The following RIN3 variants were observed in gnomAD, a reference collection of about 807,000 sequenced individuals.
RIN3 encodes RAB5 interacting protein 3.
In RIN3, 54 loss-of-function variants were observed where a neutral mutation model predicts 76.3. That is an observed-to-expected ratio of 0.71 (90% CI 0.57 to 0.89). The LOEUF (loss-of-function observed/expected upper bound fraction) is 0.89. Among genes scored for constraint, RIN3 ranks in the 40% least tolerant of loss-of-function variants. The pLI is 0.00. For missense variants in RIN3, 1,256 were observed against 1,322.1 expected (o/e 0.95, Z 0.78); for synonymous variants, 576 against 564.0 (o/e 1.02, Z -0.30).
At chr14:92,658,990 T>G (rs1244181877) in intron 6 of RIN3, among the ~76,000 whole-genome samples, 171 bp from the exon 7 acceptor site, 1 of 152,140 alleles carries the variant, frequency 6.6e-6, no homozygotes. Context: ...GGCTTTCTCT[T>G]GAATAAACTG....
chr14:92,676,615 C>T lies in RIN3; in HGVS notation c.2467+9C>T. 3.7e-6 allele frequency: 6 copies of T among 1,611,682 alleles called. No individual in the cohort carries two copies. Among genetic ancestry groups the T allele is most frequent in the Non-Finnish European group, 5.1e-6 (6 of 1,178,806 alleles). Reference sequence around the variant, plus strand: ...CCTGCAGCTGGGGGAGGGTGAGTCACCACCCCCTGCCCATCAGGTGCATTG... The same window carrying T: ...CCTGCAGCTGGGGGAGGGTGAGTCATCACCCCCTGCCCATCAGGTGCATTG... On this transcript the variant is annotated intron_variant, in intron 8 of 9. Transcript: ENST00000216487.
chr14:92,652,046 C>G lies in RIN3; in HGVS notation c.997C>G (p.Pro333Ala). 1 of 1,601,970 alleles carries G rather than the reference C, an allele frequency of 6.2e-7. No individual in the cohort carries two copies. The highest frequency in any genetic ancestry group is 8.5e-7 in the Non-Finnish European group (1 of 1,179,464). The change falls in exon 6 of 10, where the codon CCG becomes GCG. Residue 333 changes from proline (P) to alanine (A), a missense_variant. Pro to Ala is a conservative substitution (Grantham distance 27, BLOSUM62 -1). Coordinates refer to ENST00000216487, the MANE Select transcript of RIN3 (RefSeq NM_024832.5). This position sits in a 1 kb window ranked among gnomAD's most constrained non-coding sequence, Gnocchi z 6.4. ...TPHAPGPPDH[P>A]NQPPMMTCER... ...CCATGCCCCAGGTCCCCCAGACCAT[C>G]CGAACCAGCCGCCCATGATGACCTG...
At chr14:92,665,301 T>C (rs1315253491) in intron 7 of RIN3, among the ~76,000 whole-genome samples, 1 of 151,932 alleles carries the variant, frequency 6.6e-6, no homozygotes, top group Admixed American at 6.6e-5. Context: ...ACCACCGTCA[T>C]ATACGTGGTC....
At chr14:92,620,026 C>A (rs989306598) in intron 4 of RIN3, among the ~76,000 whole-genome samples, 1 of 152,226 alleles carries the variant, frequency 6.6e-6, no homozygotes, top group Non-Finnish European at 1.5e-5. Context: ...AAAGATTACT[C>A]AAGTCACATG....
intron 3 of RIN3, among the ~76,000 whole-genome samples, chr14:92,614,169 C>A (rs910729871): frequency 6.6e-6 from 1 of 152,228 alleles, no homozygotes; most frequent in Non-Finnish European, 1.5e-5. Context: ...ATGCTTTGAT[C>A]CCTCTTCCTT....
intron 1 of RIN3, among the ~76,000 whole-genome samples, chr14:92,542,062 G>A (rs922194743): frequency 1.3e-5 from 2 of 152,212 alleles, no homozygotes; most frequent in African/African-American, 4.8e-5. Flanking sequence ...GAAAGCTGAG[G>A]CAGGAGGATT....
chr14:92,631,904 G>A (rs1414107868), intron 4 of RIN3, among the ~76,000 whole-genome samples: 1 of 152,138 alleles, frequency 6.6e-6, no homozygotes, highest in African/African-American at 2.4e-5. Context: ...GTCTCAGACC[G>A]GGGTTTGAGA....
At chr14:92,552,371 C>G (rs1440073217) in intron 1 of RIN3, among the ~76,000 whole-genome samples, 1 of 152,146 alleles carries the variant, frequency 6.6e-6, no homozygotes, top group East Asian at 1.9e-4. Flanking sequence ...CTGAGACCAC[C>G]CAGGTCCCCC....
chr14:92,599,480 G>A (rs761822642), intron 3 of RIN3, among the ~76,000 whole-genome samples: 1 of 152,192 alleles, frequency 6.6e-6, no homozygotes, highest in African/African-American at 2.4e-5. Context: ...TGGTGTCAGG[G>A]ACTGTGGGAC....
intron 4 of RIN3, among the ~76,000 whole-genome samples, chr14:92,625,845 C>T (rs564770633): frequency 6.6e-6 from 1 of 152,086 alleles, no homozygotes; most frequent in Non-Finnish European, 1.5e-5. Context: ...TTTGTTTTTG[C>T]TTTTCTTAAT....
chr14:92,593,073 T>C (rs1885041626), intron 3 of RIN3, among the ~76,000 whole-genome samples: 2 of 152,096 alleles, frequency 1.3e-5, no homozygotes, highest in South Asian at 4.1e-4. Flanking sequence ...CCTCACAACG[T>C]GTGAAGCAGT....
intron 7 of RIN3, among the ~76,000 whole-genome samples, chr14:92,672,836 C>G (rs552562312): frequency 1.2e-4 from 19 of 152,118 alleles, no homozygotes; most frequent in Non-Finnish European, 2.8e-4. Flanking sequence ...TCTTTTCTGC[C>G]CAGCTCCAGG....
Position 92,681,865 on chromosome 14 carries a change from C to CA in RIN3, c.2468-3116dup, listed in dbSNP as rs1888674562. Reference sequence around the variant, plus strand: ...TGTGGTAGCTTTAATTTAGTTTTTTCAAAAAATGTCTCTTATTTATTTTTA... The same window carrying CA: ...TGTGGTAGCTTTAATTTAGTTTTTTCAAAAAAATGTCTCTTATTTATTTTTA... On this transcript the variant is annotated intron_variant, in intron 8 of 9. Coordinates refer to ENST00000216487, the MANE Select transcript of RIN3 (RefSeq NM_024832.5). This position sits in a 1 kb window ranked among gnomAD's most constrained non-coding sequence, Gnocchi z 4.7. Among the ~76,000 whole-genome samples the CA allele has an allele frequency of 1.3e-5, 2 of 151,920 alleles. No individual in the cohort carries two copies. The highest frequency in any genetic ancestry group is 2.1e-4 in the South Asian group (1 of 4,816).
At chr14:92,554,290 A>G (rs1311603134) in intron 1 of RIN3, among the ~76,000 whole-genome samples, 1 of 152,136 alleles carries the variant, frequency 6.6e-6, no homozygotes, top group African/African-American at 2.4e-5. Context: ...GAAGGCAAAC[A>G]TGAGGGTCTT....
rs147683561 is a variant in RIN3 at position 92,652,263 on chromosome 14, C to G, written c.1214C>G (p.Ala405Gly). Residue 405 changes from alanine (A) to glycine (G), a missense_variant, in exon 6 of 10, where the codon GCG becomes GGG. Ala to Gly is a moderately conservative substitution (Grantham distance 60). Coordinates refer to ENST00000216487, the MANE Select transcript of RIN3 (RefSeq NM_024832.5). This position sits in a 1 kb window ranked among gnomAD's most constrained non-coding sequence, Gnocchi z 6.4. ...TTAGAAGACCAAAGTCCGGGGATGG[C>G]GGCAGAGGGGGACCAGCTCAGCCTG... is the stretch of plus-strand genomic sequence containing the variant. ...VSLEDQSPGM[A>G]AEGDQLSLPP... 2.5e-6 allele frequency: 4 copies of G among 1,610,992 alleles called. No homozygotes were observed. Among genetic ancestry groups the G allele is most frequent in the African/African-American group, 1.3e-5 (1 of 74,962 alleles).
At chr14:92,679,913 G>A (rs1423843587) in intron 8 of RIN3, among the ~76,000 whole-genome samples, 1 of 152,228 alleles carries the variant, frequency 6.6e-6, no homozygotes, top group Non-Finnish European at 1.5e-5. Flanking sequence ...CTGGCTTGCA[G>A]AAGTGAAGAC....
At position 92,627,680 on chromosome 14, in the gene RIN3, G is replaced by A. The variant is rs758201529; in HGVS notation, c.440+12201G>A. Among the ~76,000 whole-genome samples the A allele has an allele frequency of 5.3e-4, 81 of 152,158 alleles. 2 individuals are homozygous for A. Among genetic ancestry groups the A allele is most frequent in the Admixed American group, 4.4e-3 (68 of 15,282 alleles). On this transcript the variant is annotated intron_variant, in intron 4 of 9. Coordinates refer to ENST00000216487, the MANE Select transcript of RIN3 (RefSeq NM_024832.5). ...CGTTGCCGAGAGTCCAGGTTTATTC[G>A]TCACAGTGGGTGGGGTCCCAATCTC...
chr14:92,520,577 G>A (rs910624835), intron 1 of RIN3, among the ~76,000 whole-genome samples: 2 of 152,224 alleles, frequency 1.3e-5, no homozygotes, highest in African/African-American at 2.4e-5. Flanking sequence ...GCACTGATGC[G>A]AAAGCCTGTT....
rs72530969 is a variant in RIN3, at chr14:92,681,336, A to AT, written c.2468-3651_2468-3650insT. On this transcript the variant is annotated intron_variant, in intron 8 of 9. Transcript: ENST00000216487. The surrounding 1 kb of genome is among the most constrained non-coding windows in gnomAD (Gnocchi z 4.7). ...CCTCACGAAGAAGTCAGACTCCAGCACCAAGAGTGCAGCAGTAGGGCGTGG... is the reference window on the plus strand; with the variant it reads ...CCTCACGAAGAAGTCAGACTCCAGCATCCAAGAGTGCAGCAGTAGGGCGTGG... Among the ~76,000 whole-genome samples the AT allele has an allele frequency of 1.4e-5, 1 of 69,554 alleles. No homozygotes were observed. The highest frequency in any genetic ancestry group is 5.6e-5 in the African/African-American group (1 of 17,958). 45.6% of individuals were successfully genotyped at this position (69,554 alleles called of 152,430 possible). A position where few individuals can be genotyped will look rare whatever the true frequency, so the allele number is the denominator to read the frequency against.
Sources: allele counts gnomAD v4.1 joint callset (sites outside exome capture counted in the v4.1 genomes callset), GRCh38; gene constraint gnomAD v4.1.1; non-coding constraint Gnocchi (gnomAD v3.1); transcripts MANE v1.5; gene names NCBI Gene and HGNC (gene_info 2026-07-23, HGNC 2026-07-21).